Variants in ASXL3 observed in about 807,000 individuals in gnomAD.
ASXL3 encodes the protein ASXL transcriptional regulator 3.
Under a neutral mutation model 170.6 loss-of-function variants are expected in ASXL3, and 34 were observed. The observed-to-expected ratio is 0.20, with a 90% CI of 0.15 to 0.27. The LOEUF (loss-of-function observed/expected upper bound fraction) is 0.27. ASXL3 is among the 10% of genes least tolerant of loss of function. ASXL3 has a pLI of 1.00. For missense variants in ASXL3, 2,592 were observed against 2,695.3 expected (o/e 0.96, Z 0.85); for synonymous variants, 1,002 against 989.1 (o/e 1.01, Z -0.24).
chr18:33,586,103 AT>A, intron 1 of ASXL3, among the ~76,000 whole-genome samples: 1 of 152,156 alleles, frequency 6.6e-6, no homozygotes, highest in East Asian at 1.9e-4. Flanking sequence ...ATTAGAACCT[AT>A]TTTAATAAAT....
intron 8 of ASXL3, among the ~76,000 whole-genome samples, chr18:33,730,986 A>G (rs2067432395): frequency 6.6e-6 from 1 of 152,200 alleles, no homozygotes; most frequent in Admixed American, 6.5e-5. Flanking sequence ...CAGCGTCAAC[A>G]ATAAGCTTAT....
chr18:33,638,543 G>A (rs559733665), intron 2 of ASXL3, among the ~76,000 whole-genome samples: 2 of 152,256 alleles, frequency 1.3e-5, no homozygotes, highest in African/African-American at 2.4e-5. Context: ...CTTTAAAAAT[G>A]TATTTCCTTG....
At position 33,745,663 on chromosome 18, in the gene ASXL3, A is replaced by G. The variant is rs1447930960; in HGVS notation, c.5815A>G (p.Arg1939Gly). The G allele has an allele frequency of 6.2e-7, 1 of 1,613,926 alleles. No individual in the cohort carries two copies. Among genetic ancestry groups the G allele is most frequent in the South Asian group, 1.1e-5 (1 of 91,072 alleles). Reference sequence around the variant, plus strand: ...GTTTTACCAAATGCCTGTGGCTGCCAGGGGCCCCATTCCTACTGCAGCTCT... The same window carrying G: ...GTTTTACCAAATGCCTGTGGCTGCCGGGGGCCCCATTCCTACTGCAGCTCT... The part of the protein sequence containing the change: ...QQFYQMPVAA[R>G]GPIPTAALLQ... The change falls in exon 12 of 12, where the codon AGG becomes GGG. Residue 1939 changes from arginine (R) to glycine (G), a missense_variant. Arg to Gly is a moderately radical substitution (Grantham distance 125). This residue lies in a region of ASXL3 where 2,246 missense variants were observed against 2,219.6 expected (regional missense o/e 1.01). Transcript: ENST00000269197.
intron 1 of ASXL3, among the ~76,000 whole-genome samples, chr18:33,601,517 T>G (rs2065182804): frequency 6.6e-6 from 1 of 151,906 alleles, no homozygotes. Context: ...TTCATTATTA[T>G]TCTATAAAAA....
chr18:33,623,137 A>G (rs528584652), intron 2 of ASXL3, among the ~76,000 whole-genome samples: 1 of 152,316 alleles, frequency 6.6e-6, no homozygotes, highest in South Asian at 2.1e-4. Flanking sequence ...CAAATGTCAC[A>G]TAGCACCTCC....
intron 4 of ASXL3, among the ~76,000 whole-genome samples, chr18:33,651,859 A>G (rs1421562145): frequency 6.6e-6 from 1 of 152,054 alleles, no homozygotes; most frequent in Non-Finnish European, 1.5e-5. Context: ...AAAATGGGAG[A>G]TGTGTTGCCA....
rs771225039 is a variant in ASXL3 at position 33,746,334 on chromosome 18, G to A, written c.6486G>A (p.Thr2162=). 6.2e-7 allele frequency: 1 copy of A among 1,613,980 alleles called. No homozygotes were observed. Among genetic ancestry groups the A allele is most frequent in the South Asian group, 1.1e-5 (1 of 91,078 alleles). The change falls in exon 12 of 12, where the codon ACG becomes ACA. Residue 2162 remains threonine, a synonymous_variant. Transcript: ENST00000269197. ...GNYPTIHFGS[T]SFKRAASAIE... is the part of the protein sequence containing the mutation. ...ATCCAACAATACACTTTGGTAGCAC[G>A]AGTTTCAAAAGGGCAGCATCTGCAA...
intron 8 of ASXL3, among the ~76,000 whole-genome samples, chr18:33,729,137 C>T (rs2067400738): frequency 6.6e-6 from 1 of 152,154 alleles, no homozygotes; most frequent in Admixed American, 6.6e-5. Context: ...GGAACAAGAA[C>T]TGTAGGACAG....
intron 8 of ASXL3, among the ~76,000 whole-genome samples, chr18:33,722,527 CTT>C (rs1276547631): frequency 6.6e-6 from 1 of 152,068 alleles, no homozygotes. Context: ...GCCCCTAACT[CTT>C]TTTTATTCTC....
chr18:33,711,602 C>T (rs1381368629), intron 8 of ASXL3, among the ~76,000 whole-genome samples: 1 of 152,082 alleles, frequency 6.6e-6, no homozygotes, highest in Non-Finnish European at 1.5e-5. Context: ...GATTTTTAAA[C>T]AGCTTGGAAT....
intron 5 of ASXL3, among the ~76,000 whole-genome samples, chr18:33,667,067 C>A (rs2066268713): frequency 6.6e-6 from 1 of 152,062 alleles, no homozygotes; most frequent in Admixed American, 6.6e-5. Flanking sequence ...CTAGAGAGAG[C>A]GTGGTTTATG....
rs1013042346 is a variant in ASXL3, at chr18:33,750,576, T to TG, written c.*3981_*3982insG. On this transcript the variant is annotated 3_prime_UTR_variant, in exon 12 of 12. Coordinates refer to ENST00000269197, the MANE Select transcript of ASXL3 (RefSeq NM_030632.3). ...GTGTGTTCGTTTGTACAATTTTTTTTTTTTGGTCAGTATTCTGAATGTTTA... is the reference window on the plus strand; with the variant it reads ...GTGTGTTCGTTTGTACAATTTTTTTTGTTTTGGTCAGTATTCTGAATGTTTA... The TG allele has an allele frequency of 6.6e-6, 1 of 152,106 alleles. No individual in the cohort carries two copies. The highest frequency in any genetic ancestry group is 2.4e-5 in the African/African-American group (1 of 41,390). 9.4% of individuals were successfully genotyped at this position (152,106 alleles called of 1,614,324 possible). A position where few individuals can be genotyped will look rare whatever the true frequency, so the allele number is the denominator to read the frequency against.
At chr18:33,708,829 T>C (rs1156265790) in intron 8 of ASXL3, among the ~76,000 whole-genome samples, 2 of 152,226 alleles carry the variant, frequency 1.3e-5, no homozygotes, top group Non-Finnish European at 2.9e-5. Flanking sequence ...TTTCATGTGG[T>C]TATATATAAT....
intron 1 of ASXL3, among the ~76,000 whole-genome samples, chr18:33,597,557 A>G (rs1189843406): frequency 6.6e-6 from 1 of 152,136 alleles, no homozygotes; most frequent in African/African-American, 2.4e-5. Context: ...AAAAATACCT[A>G]AAGGTAGATG....
At chr18:33,641,795 G>A (rs921109080) in intron 2 of ASXL3, 4 of 152,396 alleles carry the variant, frequency 2.6e-5, no homozygotes, top group African/African-American at 9.7e-5. Flanking sequence ...TCGGGATATC[G>A]TGGTTTTTCC....
At chr18:33,720,458 C>T (rs1336001104) in intron 8 of ASXL3, among the ~76,000 whole-genome samples, 1 of 152,056 alleles carries the variant, frequency 6.6e-6, no homozygotes, top group African/African-American at 2.4e-5. Flanking sequence ...TGGTTGGGTA[C>T]ATTGGAAGTT....
intron 5 of ASXL3, among the ~76,000 whole-genome samples, chr18:33,662,789 T>G (rs1568312346): frequency 6.6e-6 from 1 of 152,130 alleles, no homozygotes; most frequent in African/African-American, 2.4e-5. Flanking sequence ...AGCGATATAT[T>G]TATCACAAGG....
chr18:33,598,762 A>G (rs2065154189), intron 1 of ASXL3, among the ~76,000 whole-genome samples: 1 of 152,192 alleles, frequency 6.6e-6, no homozygotes, highest in Admixed American at 6.6e-5. Context: ...AGACACTGTA[A>G]GAATCTGCAG....
At chr18:33,703,567 A>G (rs1312085203) in intron 8 of ASXL3, among the ~76,000 whole-genome samples, 1 of 152,112 alleles carries the variant, frequency 6.6e-6, no homozygotes, top group Non-Finnish European at 1.5e-5. Flanking sequence ...CGAAGTTGGA[A>G]GGGATGAGAA....
Sources: allele counts gnomAD v4.1 joint callset (sites outside exome capture counted in the v4.1 genomes callset), GRCh38; gene constraint gnomAD v4.1.1; regional missense constraint gnomAD v4.1.1; transcripts MANE v1.5; gene names NCBI Gene and HGNC (gene_info 2026-07-23, HGNC 2026-07-21).